The following TRIM2 variants were observed in gnomAD, a reference collection of about 807,000 sequenced individuals.
The protein encoded by TRIM2 is tripartite motif containing 2.
In TRIM2, 20 loss-of-function variants were observed where a neutral mutation model predicts 75.2. That is an observed-to-expected ratio of 0.27 (90% CI 0.19 to 0.39). The LOEUF (loss-of-function observed/expected upper bound fraction) is 0.39, where lower values mean the gene tolerates loss of function less well. TRIM2 is among the 10% of genes least tolerant of loss of function. TRIM2 has a pLI of 1.00. For synonymous variants in TRIM2, 373 were observed against 388.3 expected (o/e 0.96, Z 0.46); for missense variants, 660 against 990.8 (o/e 0.67, Z 4.48).
intron 1 of TRIM2, among the ~76,000 whole-genome samples, chr4:153,245,357 C>A (rs1403710648): frequency 2.6e-5 from 4 of 152,222 alleles, no homozygotes; most frequent in South Asian, 2.1e-4. Context: ...AATGTCCAGA[C>A]AGTGAGTTAG....
chr4:153,282,120 A>C (rs1168814984), intron 3 of TRIM2, among the ~76,000 whole-genome samples: 4 of 152,196 alleles, frequency 2.6e-5, no homozygotes, highest in Non-Finnish European at 5.9e-5. Flanking sequence ...CAACAAGCTC[A>C]TCCTAGCTTT....
intron 1 of TRIM2, among the ~76,000 whole-genome samples, chr4:153,218,796 G>A (rs1739185401): frequency 6.6e-6 from 1 of 152,132 alleles, no homozygotes; most frequent in African/African-American, 2.4e-5. Flanking sequence ...AAGGATTGTG[G>A]TGTAGAAATT....
At chr4:153,289,713 C>G (rs1320769871) in intron 3 of TRIM2, among the ~76,000 whole-genome samples, 3 of 152,144 alleles carry the variant, frequency 2.0e-5, no homozygotes, top group African/African-American at 7.2e-5. Flanking sequence ...CACACTGATT[C>G]CCAAGTAAAA....
upstream of TRIM2, among the ~76,000 whole-genome samples, chr4:153,202,708 A>T (rs1734513513): frequency 6.6e-6 from 1 of 151,096 alleles, no homozygotes; most frequent in South Asian, 2.1e-4. Context: ...CAAAAAAAAA[A>T]AAAAAAAGAA....
At chr4:153,273,086 G>A (rs1757120260) in intron 2 of TRIM2, among the ~76,000 whole-genome samples, 1 of 151,182 alleles carries the variant, frequency 6.6e-6, no homozygotes, top group Non-Finnish European at 1.5e-5. Context: ...ATCTGCCCAT[G>A]TCGGCCTCCC....
intron 1 of TRIM2, among the ~76,000 whole-genome samples, chr4:153,211,267 G>A (rs1488726941): frequency 6.6e-6 from 1 of 152,074 alleles, no homozygotes; most frequent in Non-Finnish European, 1.5e-5. Context: ...GAAGAAGAGT[G>A]TAGTGACTGC....
intron 1 of TRIM2, among the ~76,000 whole-genome samples, chr4:153,219,764 A>G (rs1739454107): frequency 6.6e-6 from 1 of 152,190 alleles, no homozygotes; most frequent in Non-Finnish European, 1.5e-5. Flanking sequence ...GCTACTCGGC[A>G]GGCTGAGGTG....
At chr4:153,239,583 T>C (rs11731115) in intron 1 of TRIM2, among the ~76,000 whole-genome samples, 1 of 152,174 alleles carries the variant, frequency 6.6e-6, no homozygotes, top group East Asian at 1.9e-4. Flanking sequence ...TAGTAAGCAG[T>C]TGCATCATCA....
intron 3 of TRIM2, among the ~76,000 whole-genome samples, chr4:153,280,334 A>C (rs958302180): frequency 6.6e-6 from 1 of 151,648 alleles, no homozygotes; most frequent in African/African-American, 2.4e-5. Context: ...TAGTAGCTTA[A>C]TTAATGACAT....
intron 6 of TRIM2, among the ~76,000 whole-genome samples, chr4:153,306,834 C>T (rs1163184228): frequency 6.6e-6 from 1 of 152,212 alleles, no homozygotes; most frequent in Non-Finnish European, 1.5e-5. Flanking sequence ...CTCCCCTGGC[C>T]TCCCAGGCTC....
intron 1 of TRIM2, among the ~76,000 whole-genome samples, chr4:153,254,142 T>C (rs1751507784): frequency 6.6e-6 from 1 of 152,162 alleles, no homozygotes. Context: ...TAAATTACTT[T>C]GTATGCCATC....
At chr4:153,186,947 C>T (rs1366519782) in intron 1 of TRIM2, among the ~76,000 whole-genome samples, 1 of 152,168 alleles carries the variant, frequency 6.6e-6, no homozygotes, top group Non-Finnish European at 1.5e-5. Flanking sequence ...AATAGAATCC[C>T]CTTGCCACAA....
chr4:153,328,760 C>CT, intron 11 of TRIM2, 90 bp downstream of exon 11: 3 of 1,414,768 alleles, frequency 2.1e-6, no homozygotes, highest in Non-Finnish European at 2.8e-6. Context: ...AATGTTTTCT[C>CT]TTTTCCATTG....
chr4:153,319,424 G>T (rs997975831), intron 8 of TRIM2, among the ~76,000 whole-genome samples: 5 of 151,952 alleles, frequency 3.3e-5, no homozygotes, highest in Non-Finnish European at 7.4e-5. Context: ...CATTCCAAAG[G>T]CAGGGTTAAA....
intron 6 of TRIM2, among the ~76,000 whole-genome samples, chr4:153,315,256 G>A (rs1340860359): frequency 6.6e-6 from 1 of 152,182 alleles, no homozygotes; most frequent in South Asian, 2.1e-4. Flanking sequence ...ATTAATAAGA[G>A]AAGATTGACA....
intron 1 of TRIM2, among the ~76,000 whole-genome samples, chr4:153,217,218 G>A (rs1474877719): frequency 6.6e-5 from 10 of 152,092 alleles, no homozygotes; most frequent in African/African-American, 1.7e-4. Context: ...AACTCCCCAC[G>A]GAGTATACAG....
intron 1 of TRIM2, among the ~76,000 whole-genome samples, chr4:153,223,526 T>A (rs1429230951): frequency 6.6e-6 from 1 of 152,154 alleles, no homozygotes; most frequent in Admixed American, 6.5e-5. Flanking sequence ...AGCAGGGAGA[T>A]GGTGACTTTT....
intron 1 of TRIM2, among the ~76,000 whole-genome samples, chr4:153,206,868 A>G (rs1226595319): frequency 6.6e-6 from 1 of 152,024 alleles, no homozygotes; most frequent in Non-Finnish European, 1.5e-5. Flanking sequence ...TGTACATTCC[A>G]AGGGGTTTTC....
chr4:153,197,967 A>G (rs1372270338), intron 1 of TRIM2, among the ~76,000 whole-genome samples: 2 of 152,202 alleles, frequency 1.3e-5, no homozygotes, highest in Non-Finnish European at 2.9e-5. Flanking sequence ...CTTAATGAGA[A>G]AACAGGCCCT....
Sources: allele counts gnomAD v4.1 joint callset (sites outside exome capture counted in the v4.1 genomes callset), GRCh38; gene constraint gnomAD v4.1.1; transcripts MANE v1.5; gene names NCBI Gene and HGNC (gene_info 2026-07-23, HGNC 2026-07-21).